Variants in RPS6KA2 observed in about 807,000 individuals in gnomAD.
RPS6KA2 encodes ribosomal protein S6 kinase A2.
Under a neutral mutation model 91.8 loss-of-function variants are expected in RPS6KA2, and 42 were observed. The observed-to-expected ratio is 0.46, with a 90% CI of 0.36 to 0.59. The LOEUF is 0.59. RPS6KA2 is among the 20% of genes least tolerant of loss of function. RPS6KA2 has a pLI of 0.00. For synonymous variants in RPS6KA2, 414 were observed against 393.6 expected (o/e 1.05, Z -0.61); for missense variants, 798 against 978.5 (o/e 0.82, Z 2.46).
At chr6:166,657,676 T>C (rs1458085939) in intron 2 of RPS6KA2, among the ~76,000 whole-genome samples, 1 of 151,856 alleles carries the variant, frequency 6.6e-6, no homozygotes, top group Non-Finnish European at 1.5e-5. Context: ...CTAAGGAGAG[T>C]GTGCTAGGCG....
chr6:166,594,544 G>C (rs1785470808), intron 1 of RPS6KA2, among the ~76,000 whole-genome samples: 1 of 151,950 alleles, frequency 6.6e-6, no homozygotes, highest in Non-Finnish European at 1.5e-5. Context: ...CTCACTGCAA[G>C]CTCTGCCTCC....
intron 1 of RPS6KA2, among the ~76,000 whole-genome samples, chr6:166,607,053 A>C (rs1035343558): frequency 6.6e-6 from 1 of 151,542 alleles, no homozygotes; most frequent in Non-Finnish European, 1.5e-5. Flanking sequence ...GAGGCAGAAG[A>C]ATTGCTTGAA....
At chr6:166,739,716 A>T (rs574696003) in intron 2 of RPS6KA2, among the ~76,000 whole-genome samples, 33 of 152,162 alleles carry the variant, frequency 2.2e-4, no homozygotes, top group Middle Eastern at 6.8e-3. Flanking sequence ...CGCCTAAAAG[A>T]CTCCGGTGAT....
Position 166,639,693 on chromosome 6 carries a change from G to A in RPS6KA2, c.124-100909C>T, listed in dbSNP as rs1787368285. Among the ~76,000 whole-genome samples the A allele has an allele frequency of 6.6e-6, 1 of 152,070 alleles. No homozygotes were observed. The highest frequency in any genetic ancestry group is 1.5e-5 in the Non-Finnish European group (1 of 68,000). The stretch of plus-strand genomic sequence containing the variant: ...GTGTCTCCGTGACATCATTCACGCA[G>A]TGGCCACGGCTGTCCTTCCTGCCCG... On this transcript the variant is annotated intron_variant, in intron 2 of 21. Transcript: ENST00000503859. This position sits in a 1 kb window ranked among gnomAD's most constrained non-coding sequence, Gnocchi z 4.2.
chr6:166,429,393 T>A (rs1164692894), intron 16 of RPS6KA2, among the ~76,000 whole-genome samples: 1 of 151,934 alleles, frequency 6.6e-6, no homozygotes, highest in Non-Finnish European at 1.5e-5. Context: ...CATATGTAAC[T>A]AACCTGCACA....
At position 166,430,588 on chromosome 6, in the gene RPS6KA2, C is replaced by A. The variant is rs1438452082; in HGVS notation, c.1446G>T (p.Val482=). The A allele has an allele frequency of 1.2e-6, 2 of 1,613,778 alleles. No homozygotes were observed. Among genetic ancestry groups the A allele is most frequent in the Non-Finnish European group, 1.7e-6 (2 of 1,179,840 alleles). Residue 482 remains valine, a synonymous_variant, in exon 16 of 21, where the codon GTG becomes GTT. Coordinates refer to ENST00000265678, the MANE Select transcript of RPS6KA2 (RefSeq NM_021135.6). Reference sequence around the variant, plus strand: ...CACGCATCAGCTCCATTACCAGGTACACAAACTTGCCATCATCATAGACCT... The same window carrying A: ...CACGCATCAGCTCCATTACCAGGTAAACAAACTTGCCATCATCATAGACCT... The part of the protein sequence containing the change: ...LKDVYDDGKF[V]YLVMELMRGG...
At position 166,624,074 on chromosome 6, in the gene RPS6KA2, C is replaced by T. The variant is rs61194834; in HGVS notation, c.99+2847G>A. On this transcript the variant is annotated intron_variant, in intron 1 of 20. Transcript: ENST00000265678. ...AAAAAAGAAGGAACTTTAGAAATTT[C>T]TCATTATTTAAAAAAATAAAAAATG... is the stretch of plus-strand genomic sequence containing the variant. Among the ~76,000 whole-genome samples, 52 of 152,044 alleles carry T rather than the reference C, an allele frequency of 3.4e-4. No homozygotes were observed. The East Asian group carries it at 9.8e-3, about 29-fold the overall frequency.
At chr6:166,831,846 GATAT>G (rs1351199248) in intron 2 of RPS6KA2, among the ~76,000 whole-genome samples, 1 of 150,956 alleles carries the variant, frequency 6.6e-6, no homozygotes. Context: ...ATAGGTAATA[GATAT>G]ATAGATACAT....
intron 2 of RPS6KA2, among the ~76,000 whole-genome samples, chr6:166,668,843 A>ATCCCTCCC (rs1029960367): frequency 5.6e-5 from 2 of 35,400 alleles, no homozygotes; most frequent in African/African-American, 1.1e-4. Context: ...TCCCTCCTCC[A>ATCCCTCCC]TCCCTCCCTC....
At chr6:166,681,485 C>T (rs1788805972) in intron 2 of RPS6KA2, among the ~76,000 whole-genome samples, 1 of 152,184 alleles carries the variant, frequency 6.6e-6, no homozygotes, top group Non-Finnish European at 1.5e-5. Context: ...ACCCCTAATT[C>T]CTCTCTGACA....
chr6:166,508,558 G>A lies in RPS6KA2; in HGVS notation c.380-276C>T, dbSNP rs977096778. Among the ~76,000 whole-genome samples the A allele has an allele frequency of 5.9e-5, 9 of 152,138 alleles. No individual in the cohort carries two copies. The highest frequency in any genetic ancestry group is 1.7e-4 in the African/African-American group (7 of 41,428). ...CCTCCCTCCCTTTTTTAATCACAAA[G>A]GAATTGAAAGATACACGGGGAGAAA... On this transcript the variant is annotated intron_variant, in intron 4 of 20. Transcript: ENST00000265678. This position sits in a 1 kb window ranked among gnomAD's most constrained non-coding sequence, Gnocchi z 4.3.
chr6:166,766,634 T>A (rs545335973), intron 2 of RPS6KA2, among the ~76,000 whole-genome samples: 1 of 152,196 alleles, frequency 6.6e-6, no homozygotes, highest in East Asian at 1.9e-4. Context: ...AAAAGACATT[T>A]ATAAGTATGG....
chr6:166,575,910 G>A (rs893771317), intron 1 of RPS6KA2, among the ~76,000 whole-genome samples: 2 of 152,306 alleles, frequency 1.3e-5, no homozygotes, highest in South Asian at 2.1e-4. Flanking sequence ...TAGGTGATAT[G>A]GTTTGGTTCT....
intron 2 of RPS6KA2, among the ~76,000 whole-genome samples, chr6:166,787,508 A>C (rs1328948438): frequency 6.6e-6 from 1 of 152,198 alleles, no homozygotes; most frequent in Non-Finnish European, 1.5e-5. Flanking sequence ...TCCAAAAAAA[A>C]AGGTCACAGT....
At chr6:166,497,666 C>T (rs1175583094) in intron 8 of RPS6KA2, among the ~76,000 whole-genome samples, 1 of 152,222 alleles carries the variant, frequency 6.6e-6, no homozygotes, top group Non-Finnish European at 1.5e-5. Flanking sequence ...CAGGACTCAG[C>T]CCTGGGGTTC....
intron 1 of RPS6KA2, among the ~76,000 whole-genome samples, chr6:166,615,596 G>T (rs530941710): frequency 1.3e-5 from 2 of 152,150 alleles, no homozygotes; most frequent in African/African-American, 2.4e-5. Flanking sequence ...AACCTGCGGC[G>T]CACAGGCCAA....
intron 2 of RPS6KA2, among the ~76,000 whole-genome samples, chr6:166,766,787 G>A (rs1446670338): frequency 6.6e-6 from 1 of 152,260 alleles, no homozygotes; most frequent in Non-Finnish European, 1.5e-5. Flanking sequence ...CTCTTCAGCG[G>A]TTGTTTGGGG....
In RPS6KA2 at chr6:166,511,334, A is replaced by G. The variant is rs75685528; in HGVS notation, c.299-977T>C. 4.2e-3 allele frequency among the ~76,000 whole-genome samples: 633 copies of G among 152,258 alleles called. 6 individuals carry two copies. The highest frequency in any genetic ancestry group is 0.014 in the African/African-American group (584 of 41,540). ...AGGGCTAAAGAACAGCCATGGTCAC[A>G]TTTCTGATGGAACTGGAAATCAAGA... On this transcript the variant is annotated intron_variant, in intron 3 of 20. Transcript: ENST00000265678.
chr6:166,458,010 G>C (rs893154435), intron 12 of RPS6KA2, among the ~76,000 whole-genome samples: 3 of 152,234 alleles, frequency 2.0e-5, no homozygotes, highest in African/African-American at 7.2e-5. Context: ...TATGTCTACA[G>C]AAGGAGCTTG....
Sources: gnomAD v4.1 joint callset for allele counts (sites outside exome capture counted in the v4.1 genomes callset) on GRCh38, gnomAD v4.1.1 for gene constraint, Gnocchi (gnomAD v3.1) non-coding constraint, MANE v1.5 for transcripts, NCBI Gene and HGNC (gene_info 2026-07-23, HGNC 2026-07-21) for gene names.